Variants in VPS8 observed in about 807,000 individuals in gnomAD.
The protein encoded by VPS8 is VPS8 subunit of CORVET complex.
In VPS8, 129 loss-of-function variants were observed where a neutral mutation model predicts 216.4. The ratio of observed to expected loss-of-function variants is 0.60; its 90% CI spans 0.52 to 0.69. The LOEUF (loss-of-function observed/expected upper bound fraction) is 0.69. Among genes scored for constraint, VPS8 ranks in the 30% least tolerant of loss-of-function variants. The pLI is 0.00. For missense variants in VPS8, 1,531 were observed against 1,683.5 expected (o/e 0.91, Z 1.59); for synonymous variants, 571 against 565.4 (o/e 1.01, Z -0.14).
chr3:184,908,611 G>C (rs924080121), intron 25 of VPS8, among the ~76,000 whole-genome samples: 1 of 152,220 alleles, frequency 6.6e-6, no homozygotes, highest in African/African-American at 2.4e-5. Context: ...CCATTGTGTG[G>C]GGTGGCTGCC....
At chr3:185,037,738 T>C (rs1176706160) in intron 46 of VPS8, among the ~76,000 whole-genome samples, 1 of 152,212 alleles carries the variant, frequency 6.6e-6, no homozygotes, top group Non-Finnish European at 1.5e-5. Context: ...TCAAATCTCC[T>C]GTTAAGCCTG....
At chr3:184,941,336 C>T (rs139088065) in intron 36 of VPS8, among the ~76,000 whole-genome samples, 1 of 149,110 alleles carries the variant, frequency 6.7e-6, no homozygotes, top group Non-Finnish European at 1.5e-5. Context: ...ATTACAAAGC[C>T]CCCTCCACTT....
intron 46 of VPS8, among the ~76,000 whole-genome samples, chr3:185,041,746 T>A (rs1340301356): frequency 6.6e-6 from 1 of 152,242 alleles, no homozygotes; most frequent in Non-Finnish European, 1.5e-5. Context: ...TGAACAGAGC[T>A]TCGCAGATTG....
intron 36 of VPS8, among the ~76,000 whole-genome samples, chr3:184,955,498 C>T (rs184811743): frequency 1.9e-3 from 285 of 152,064 alleles, no homozygotes; most frequent in Non-Finnish European, 2.9e-3. Context: ...CCTGCGCCCC[C>T]TCGTCTTGTA....
intron 40 of VPS8, among the ~76,000 whole-genome samples, chr3:184,974,503 T>A (rs772312497): frequency 4.6e-5 from 7 of 152,168 alleles, no homozygotes; most frequent in Admixed American, 6.5e-5. Flanking sequence ...TCATTGTACA[T>A]GTTGTCTCTT....
intron 36 of VPS8, among the ~76,000 whole-genome samples, 168 bp downstream of exon 36, chr3:184,940,411 G>A (rs1742468152): frequency 6.6e-6 from 1 of 152,048 alleles, no homozygotes; most frequent in South Asian, 2.1e-4. Context: ...TAGAAGATCT[G>A]AACGATAGAT....
chr3:184,930,068 G>A (rs559145644), intron 33 of VPS8, among the ~76,000 whole-genome samples: 1 of 152,194 alleles, frequency 6.6e-6, no homozygotes, highest in African/African-American at 2.4e-5. Flanking sequence ...CCTGAGGTGG[G>A]GAAAATTGAC....
At chr3:184,981,421 G>A (rs984248567) in intron 40 of VPS8, among the ~76,000 whole-genome samples, 1 of 139,534 alleles carries the variant, frequency 7.2e-6, no homozygotes, top group Admixed American at 8.2e-5. Flanking sequence ...CAGGGCAGCA[G>A]TGGGTTCTTT....
At chr3:184,973,506 T>C (rs767116020) in intron 40 of VPS8, among the ~76,000 whole-genome samples, 10 of 152,232 alleles carry the variant, frequency 6.6e-5, no homozygotes, top group Non-Finnish European at 1.5e-4. Context: ...TCAAATCGGT[T>C]ACTTAGGATA....
rs529055164 is a variant in VPS8 at position 184,916,257 on chromosome 3, C to G, written c.2382+783C>G. Among the ~76,000 whole-genome samples the G allele has an allele frequency of 5.3e-5, 8 of 152,238 alleles. No homozygotes were observed. In the East Asian group the frequency reaches 1.5e-3, roughly 29 times the overall value. On this transcript the variant is annotated intron_variant, in intron 28 of 47. Transcript: ENST00000625842. ...GTGAGCCAGGTTGTCTGTGCAAATG[C>G]CCCTGGGGAGTAATTAGATATAATG...
At chr3:185,019,047 C>T (rs116340263) in intron 45 of VPS8, among the ~76,000 whole-genome samples, 2,772 of 152,282 alleles carry the variant, frequency 0.018, 93 homozygotes, top group African/African-American at 0.063. Flanking sequence ...TGCTCTGTTA[C>T]CTCTTCTGTT....
intron 46 of VPS8, among the ~76,000 whole-genome samples, chr3:185,028,726 G>T (rs193183354): frequency 6.6e-6 from 1 of 152,170 alleles, no homozygotes; most frequent in African/African-American, 2.4e-5. Context: ...AGCTCACAGC[G>T]CTCTGAATTA....
chr3:184,987,395 C>T (rs943787455), intron 42 of VPS8, among the ~76,000 whole-genome samples: 4 of 144,510 alleles, frequency 2.8e-5, no homozygotes, highest in African/African-American at 1.0e-4. Flanking sequence ...ATTACAGGTG[C>T]GAGTCACCGT....
intron 46 of VPS8, among the ~76,000 whole-genome samples, chr3:185,042,833 A>T (rs1315989893): frequency 6.6e-6 from 1 of 152,072 alleles, no homozygotes; most frequent in African/African-American, 2.4e-5. Context: ...GTCACCACAG[A>T]TTTTCCCCCA....
intron 45 of VPS8, among the ~76,000 whole-genome samples, chr3:185,001,751 C>T (rs938331291): frequency 6.6e-6 from 1 of 152,182 alleles, no homozygotes; most frequent in Non-Finnish European, 1.5e-5. Flanking sequence ...GCACCTAGCC[C>T]TCATGCTGAA....
chr3:184,884,443 T>C (rs1730839841), intron 21 of VPS8, among the ~76,000 whole-genome samples: 1 of 152,182 alleles, frequency 6.6e-6, no homozygotes, highest in Admixed American at 6.5e-5. Flanking sequence ...AGGATCACTT[T>C]TTATGTGAAC....
chr3:184,958,356 G>C (rs1333321730), intron 37 of VPS8, among the ~76,000 whole-genome samples: 2 of 152,140 alleles, frequency 1.3e-5, no homozygotes, highest in African/African-American at 4.8e-5. Flanking sequence ...AGGCACATAG[G>C]CATTTAATAA....
At chr3:184,888,869 T>G (rs959318445) in intron 22 of VPS8, among the ~76,000 whole-genome samples, 5 of 152,196 alleles carry the variant, frequency 3.3e-5, no homozygotes, top group Non-Finnish European at 2.9e-5. Context: ...GTTGAACTGA[T>G]GAAGTAATTC....
At chr3:185,027,505 G>A (rs924581332) in intron 46 of VPS8, among the ~76,000 whole-genome samples, 10 of 152,098 alleles carry the variant, frequency 6.6e-5, no homozygotes, top group African/African-American at 2.2e-4. Context: ...GCCTCCCAAA[G>A]TGCTGGGATT....
Sources: gnomAD v4.1 joint callset for allele counts (sites outside exome capture counted in the v4.1 genomes callset) on GRCh38, gnomAD v4.1.1 for gene constraint, MANE v1.5 for transcripts, NCBI Gene and HGNC (gene_info 2026-07-23, HGNC 2026-07-21) for gene names.